Variants in UST observed in about 807,000 individuals in gnomAD.
The protein encoded by UST is chondroitin sulfate 2-O-sulfotransferase.
Under a neutral mutation model 45.6 loss-of-function variants are expected in UST, and 21 were observed. The ratio of observed to expected loss-of-function variants is 0.46; its 90% CI spans 0.33 to 0.66. UST has a LOEUF of 0.66. Ranked by LOEUF, UST falls within the 30% of genes least tolerant of loss-of-function variation. The probability of loss-of-function intolerance (pLI) is 0.02; values close to 1 mark genes in which losing one functional copy is unlikely to be tolerated. For missense variants in UST, 463 were observed against 512.4 expected (o/e 0.90, Z 0.93); for synonymous variants, 215 against 200.6 (o/e 1.07, Z -0.61).
chr6:148,816,218 C>G (rs957685250), intron 1 of UST, among the ~76,000 whole-genome samples: 1 of 152,128 alleles, frequency 6.6e-6, no homozygotes, highest in Non-Finnish European at 1.5e-5. Flanking sequence ...TGTAATGCAC[C>G]ACAGTCCCCT....
At chr6:148,747,829 G>A (rs1204283613) in intron 1 of UST, 152 bp downstream of exon 1, 2 of 1,066,886 alleles carry the variant, frequency 1.9e-6, no homozygotes, top group South Asian at 2.5e-5. Context: ...TCTGTGCCGC[G>A]GTCGGGAGCG....
At chr6:148,801,083 G>A (rs947018985) in intron 1 of UST, among the ~76,000 whole-genome samples, 59 of 152,272 alleles carry the variant, frequency 3.9e-4, no homozygotes, top group Non-Finnish European at 6.9e-4. Flanking sequence ...GATCAGGAGT[G>A]AAGCTGCCTC....
chr6:148,913,255 C>A (rs1034181153), intron 2 of UST, among the ~76,000 whole-genome samples: 5 of 152,028 alleles, frequency 3.3e-5, no homozygotes, highest in African/African-American at 1.2e-4. Context: ...AACATCCATC[C>A]GGAATTGATT....
At chr6:148,990,314 T>A (rs1781323760) in intron 5 of UST, 1 of 849,018 alleles carries the variant, frequency 1.2e-6, no homozygotes, top group African/African-American at 1.8e-5. Flanking sequence ...AATAGAAGTA[T>A]TTGAAGACAA....
At chr6:148,771,154 T>TG (rs11396784) in intron 1 of UST, among the ~76,000 whole-genome samples, 70,134 of 151,948 alleles carry the variant, frequency 0.46, 16,673 homozygotes, top group African/African-American at 0.55. Context: ...TAACATATCT[T>TG]AATTTATGTT....
intron 1 of UST, among the ~76,000 whole-genome samples, chr6:148,823,293 G>GC (rs1433190587): frequency 1.3e-5 from 2 of 152,164 alleles, no homozygotes. Flanking sequence ...AGAAAGAAAG[G>GC]AAGTTTATCA....
intron 7 of UST, among the ~76,000 whole-genome samples, chr6:149,064,586 G>A (rs1005217169): frequency 1.5e-4 from 23 of 152,154 alleles, no homozygotes; most frequent in Non-Finnish European, 3.1e-4. Flanking sequence ...ATGATATTGG[G>A]CACACCAGTG....
chr6:148,753,037 A>G (rs1185553136), intron 1 of UST, among the ~76,000 whole-genome samples: 1 of 152,228 alleles, frequency 6.6e-6, no homozygotes, highest in African/African-American at 2.4e-5. Context: ...ACATTTCACA[A>G]AAATTCTTAT....
At chr6:149,018,413 C>A (rs752969886) in intron 5 of UST, among the ~76,000 whole-genome samples, 7 of 152,104 alleles carry the variant, frequency 4.6e-5, no homozygotes, top group Admixed American at 1.3e-4. Flanking sequence ...CTTAGAAATA[C>A]CTGAGAATGA....
chr6:149,002,345 C>T (rs1468150276), intron 5 of UST, among the ~76,000 whole-genome samples: 1 of 151,842 alleles, frequency 6.6e-6, no homozygotes, highest in African/African-American at 2.4e-5. Flanking sequence ...TTTAATCTCA[C>T]TAAAAGTAAA....
At chr6:149,000,505 G>A (rs1781527003) in intron 5 of UST, among the ~76,000 whole-genome samples, 1 of 152,000 alleles carries the variant, frequency 6.6e-6, no homozygotes, top group South Asian at 2.1e-4. Context: ...AGAAGACGGA[G>A]ACAGATTATG....
intron 1 of UST, among the ~76,000 whole-genome samples, chr6:148,834,463 A>G (rs1028892848): frequency 3.3e-5 from 5 of 152,172 alleles, no homozygotes; most frequent in African/African-American, 1.2e-4. Flanking sequence ...GGCTGGGCAC[A>G]GTTGCTCATG....
chr6:148,828,663 C>T (rs1268387865), intron 1 of UST, among the ~76,000 whole-genome samples: 4 of 152,090 alleles, frequency 2.6e-5, no homozygotes, highest in Admixed American at 1.3e-4. Flanking sequence ...TGAATTTATG[C>T]ACATAAAACA....
chr6:148,809,533 G>A (rs984505332), intron 1 of UST, among the ~76,000 whole-genome samples: 1 of 152,184 alleles, frequency 6.6e-6, no homozygotes, highest in African/African-American at 2.4e-5. Flanking sequence ...GTTAGGGCAG[G>A]AGTGGTGGCA....
chr6:149,014,040 A>G (rs1384729325), intron 5 of UST, among the ~76,000 whole-genome samples: 1 of 152,256 alleles, frequency 6.6e-6, no homozygotes, highest in Non-Finnish European at 1.5e-5. Flanking sequence ...TGATGTACAG[A>G]GAAATAAAAG....
chr6:148,914,579 T>G (rs1403037595), intron 2 of UST, among the ~76,000 whole-genome samples: 1 of 152,176 alleles, frequency 6.6e-6, no homozygotes, highest in Non-Finnish European at 1.5e-5. Context: ...CCTCCCAAAA[T>G]TCGTATACCA....
chr6:148,810,715 C>T (rs1285903860), intron 1 of UST, among the ~76,000 whole-genome samples: 1 of 152,068 alleles, frequency 6.6e-6, no homozygotes, highest in Non-Finnish European at 1.5e-5. Flanking sequence ...CAAGGTGTCA[C>T]CAGAGAGGAA....
At chr6:148,942,552 G>C (rs1780148824) in intron 3 of UST, among the ~76,000 whole-genome samples, 1 of 151,984 alleles carries the variant, frequency 6.6e-6, no homozygotes, top group Non-Finnish European at 1.5e-5. Context: ...GCGAGACTTT[G>C]TCTCAATAAA....
rs926057590 is a variant in UST at position 149,075,264 on chromosome 6, C to T, written c.*1148C>T. The T allele has an allele frequency of 2.6e-5, 4 of 152,166 alleles. No homozygotes were observed. Among genetic ancestry groups the T allele is most frequent in the Admixed American group, 2.0e-4 (3 of 15,276 alleles). 9.4% of individuals were successfully genotyped at this position (152,166 alleles called of 1,614,324 possible). On this transcript the variant is annotated 3_prime_UTR_variant, in exon 8 of 8. Transcript: ENST00000367463. ...AAGTTGGGTCCTATAGGACCTGGTA[C>T]TATGTACTATTGTAACTTCTAGTTC...
Sources: allele counts gnomAD v4.1 joint callset (sites outside exome capture counted in the v4.1 genomes callset), GRCh38; gene constraint gnomAD v4.1.1; transcripts MANE v1.5; gene names NCBI Gene and HGNC (gene_info 2026-07-23, HGNC 2026-07-21).